The following PKHD1L1 variants were observed in gnomAD, a reference collection of about 807,000 sequenced individuals.
The protein encoded by PKHD1L1 is PKHD1 like 1.
In PKHD1L1, 434 loss-of-function variants were observed where a neutral mutation model predicts 462.9. That is an observed-to-expected ratio of 0.94 (90% CI 0.87 to 1.02). PKHD1L1 has a LOEUF of 1.02. Ranked by LOEUF, PKHD1L1 falls within the 50% of genes least tolerant of loss-of-function variation. The probability of loss-of-function intolerance (pLI) is 0.00; values close to 1 mark genes in which losing one functional copy is unlikely to be tolerated. For missense variants in PKHD1L1, 5,202 were observed against 5,096.1 expected, an observed-to-expected ratio of 1.02 and a Z score of -0.63; for synonymous variants, 1,781 against 1,750.0, an observed-to-expected ratio of 1.02 and a Z score of -0.44.
chr8:109,446,448 A>G (rs1816146661), intron 38 of PKHD1L1, among the ~76,000 whole-genome samples: 1 of 152,238 alleles, frequency 6.6e-6, no homozygotes, highest in South Asian at 2.1e-4. Flanking sequence ...AAGTTTATTC[A>G]TATAATGTAA....
At chr8:109,461,665 G>C (rs751557910) in intron 47 of PKHD1L1, 107 bp from the exon 48 acceptor site, 36 of 1,192,886 alleles carry the variant, frequency 3.0e-5, no homozygotes, top group Non-Finnish European at 4.1e-5. Context: ...TCTAGGATGA[G>C]GTTGAGATCA....
intron 5 of PKHD1L1, among the ~76,000 whole-genome samples, chr8:109,384,659 T>C (rs947533207): frequency 3.3e-5 from 5 of 152,138 alleles, no homozygotes; most frequent in South Asian, 2.1e-4. Flanking sequence ...GGTTTCATTA[T>C]AATAACTATA....
chr8:109,513,917 A>G (rs1820132847), intron 71 of PKHD1L1, among the ~76,000 whole-genome samples: 1 of 152,014 alleles, frequency 6.6e-6, no homozygotes, highest in Non-Finnish European at 1.5e-5. Context: ...GCCCTTCTAT[A>G]GTCTGTTCTC....
At chr8:109,490,158 A>G in intron 60 of PKHD1L1, 103 bp downstream of exon 60, 1 of 691,894 alleles carries the variant, frequency 1.4e-6, no homozygotes, top group Non-Finnish European at 2.3e-6. Flanking sequence ...CTAAAATTAT[A>G]ATCTAATATA....
intron 2 of PKHD1L1, among the ~76,000 whole-genome samples, chr8:109,371,152 C>T (rs1811487335): frequency 6.6e-6 from 1 of 152,216 alleles, no homozygotes; most frequent in Non-Finnish European, 1.5e-5. Context: ...TCTCCACATC[C>T]TCTCCAGCAC....
chr8:109,414,401 C>T (rs1814021052), intron 21 of PKHD1L1, among the ~76,000 whole-genome samples: 1 of 152,256 alleles, frequency 6.6e-6, no homozygotes, highest in South Asian at 2.1e-4. Flanking sequence ...AACATTTTCT[C>T]TCTACAATTG....
At chr8:109,371,168 G>T (rs1209994151) in intron 2 of PKHD1L1, among the ~76,000 whole-genome samples, 2 of 152,156 alleles carry the variant, frequency 1.3e-5, no homozygotes, top group Non-Finnish European at 2.9e-5. Context: ...AGCACCTGTT[G>T]TTTCCTGACT....
At chr8:109,480,902 A>G (rs982104736) in intron 55 of PKHD1L1, among the ~76,000 whole-genome samples, 4 of 151,962 alleles carry the variant, frequency 2.6e-5, no homozygotes, top group Non-Finnish European at 4.4e-5. Context: ...ACCATGGGTA[A>G]GTTATTTGAC....
At position 109,444,807 on chromosome 8, in the gene PKHD1L1, G is replaced by A. The variant is rs571376584; in HGVS notation, c.4938G>A (p.Thr1646=). ...TVYNLGTAIN[T]LSNEFDRRFV... is the part of the protein sequence containing the mutation. ...ACAACCTGGGCACTGCTATCAATAC[G>A]TTGTCCAATGAATTTGATAGGCGAT... The change falls in exon 38 of 78, where the codon ACG becomes ACA. Residue 1646 remains threonine (T), a synonymous_variant. Transcript: ENST00000378402. The A allele has an allele frequency of 8.9e-5, 143 of 1,613,990 alleles. 2 individuals are homozygous for A. Among genetic ancestry groups the A allele is most frequent in the South Asian group, 6.5e-4 (59 of 91,084 alleles).
Position 109,530,704 on chromosome 8 carries a change from G to A in PKHD1L1, c.*614G>A, listed in dbSNP as rs1821020582. On this transcript the variant is annotated 3_prime_UTR_variant, in exon 78 of 78. Transcript: ENST00000378402. The stretch of plus-strand genomic sequence containing the variant: ...TCTGCCCAACTCTGGCCAATATTGG[G>A]AAAAGTTTTCTTGTCCTTGGAATGA... Among the ~76,000 whole-genome samples the A allele has an allele frequency of 6.6e-6, 1 of 152,052 alleles. No individual in the cohort carries two copies. Among genetic ancestry groups the A allele is most frequent in the Non-Finnish European group, 1.5e-5 (1 of 68,022 alleles).
chr8:109,522,473 T>C (rs896783693), intron 74 of PKHD1L1, 136 bp downstream of exon 74: 46 of 1,097,566 alleles, frequency 4.2e-5, no homozygotes, highest in Non-Finnish European at 5.5e-5. Context: ...GTTGACTTTT[T>C]ATAGGCTCGC....
chr8:109,406,678 A>G (rs1411502686), intron 17 of PKHD1L1, among the ~76,000 whole-genome samples, 200 bp downstream of exon 17: 3 of 152,312 alleles, frequency 2.0e-5, no homozygotes, highest in Middle Eastern at 3.4e-3. Context: ...AATGCACTAT[A>G]CATACTACAA....
intron 50 of PKHD1L1, chr8:109,470,690 G>A (rs1817671658): frequency 6.3e-7 from 1 of 1,583,050 alleles, no homozygotes. Context: ...CAGGAAAAAG[G>A]AATGGCAAAT....
Position 109,491,863 on chromosome 8 carries a change from T to A in PKHD1L1, c.10115-10T>A. The stretch of plus-strand genomic sequence containing the variant: ...GGGGATTTTCTTTCTTTTTTTCTTT[T>A]TTTAAACAGGCATAAGAATATGGGG... On this transcript the variant is annotated splice_polypyrimidine_tract_variant and intron_variant, in intron 61 of 77. Coordinates refer to ENST00000378402, the MANE Select transcript of PKHD1L1 (RefSeq NM_177531.6). 1 of 1,477,432 alleles carries A rather than the reference T, an allele frequency of 6.8e-7. No homozygotes were observed. The highest frequency in any genetic ancestry group is 9.0e-7 in the Non-Finnish European group (1 of 1,115,706). 91.5% of individuals were successfully genotyped at this position (1,477,432 alleles called of 1,614,324 possible). A position where few individuals can be genotyped will look rare whatever the true frequency, so the allele number is the denominator to read the frequency against.
chr8:109,468,350 A>G (rs1471125), intron 50 of PKHD1L1, among the ~76,000 whole-genome samples: 76,380 of 152,040 alleles, frequency 0.5, 19,474 homozygotes, highest in South Asian at 0.68. Context: ...CATTTATGAC[A>G]TAATAGCTTT....
intron 33 of PKHD1L1, among the ~76,000 whole-genome samples, 174 bp from the exon 34 acceptor site, chr8:109,441,101 A>G (rs1439452748): frequency 1.3e-5 from 2 of 152,136 alleles, no homozygotes; most frequent in Non-Finnish European, 2.9e-5. Context: ...GCAAATAATT[A>G]GTACTCACAC....
rs185743063 is a variant in PKHD1L1, at chr8:109,392,920, G to A, written c.741-1495G>A. Among the ~76,000 whole-genome samples, 15 of 152,176 alleles carry A rather than the reference G, an allele frequency of 9.9e-5. No individual in the cohort carries two copies. In the East Asian group the frequency reaches 1.9e-3, roughly 20 times the overall value. ...TGTTCCCAACTGATAAGGTTCAGAC[G>A]AAGCTGCCTTAATTGAGAAATGCCT... On this transcript the variant is annotated intron_variant, in intron 9 of 77. Transcript: ENST00000378402.
Position 109,532,956 on chromosome 8 carries a change from G to A in PKHD1L1, c.*2866G>A, listed in dbSNP as rs1821073494. On this transcript the variant is annotated 3_prime_UTR_variant, in exon 78 of 78. Coordinates refer to ENST00000378402, the MANE Select transcript of PKHD1L1 (RefSeq NM_177531.6). ...GTTCTACATGGACCCTTTCCTTACAGCAATCCTATGAGGATAACCTTATTC... is the reference window on the plus strand; with the variant it reads ...GTTCTACATGGACCCTTTCCTTACAACAATCCTATGAGGATAACCTTATTC... 6.6e-6 allele frequency among the ~76,000 whole-genome samples: 1 copy of A among 152,172 alleles called. No individual in the cohort carries two copies. Among genetic ancestry groups the A allele is most frequent in the South Asian group, 2.1e-4 (1 of 4,828 alleles).
At chr8:109,432,999 A>C (rs1586498965) in intron 27 of PKHD1L1, 107 bp from the exon 28 acceptor site, 1 of 812,014 alleles carries the variant, frequency 1.2e-6, no homozygotes, top group African/African-American at 1.7e-5. Context: ...CTTATTGTTT[A>C]TATCTTTTGA....
Sources: gnomAD v4.1 joint callset for allele counts (sites outside exome capture counted in the v4.1 genomes callset) on GRCh38, gnomAD v4.1.1 for gene constraint, MANE v1.5 for transcripts, NCBI Gene and HGNC (gene_info 2026-07-23, HGNC 2026-07-21) for gene names.